HEG1: variants seen among roughly 807,000 people sequenced by gnomAD.
The protein encoded by HEG1 is heart development protein with EGF like domains 1, also known as protein HEG homolog 1.
HEG1 carries 56 observed loss-of-function variants against 125.6 expected under a neutral mutation model. The ratio of observed to expected loss-of-function variants is 0.45; its 90% confidence interval spans 0.36 to 0.56. HEG1 has a LOEUF of 0.56. HEG1 is among the 20% of genes least tolerant of loss of function. The pLI is 0.00. For missense variants in HEG1, 1,523 were observed against 1,670.0 expected, an observed-to-expected ratio of 0.91 and a Z score of 1.53; for synonymous variants, 644 against 668.5, an observed-to-expected ratio of 0.96 and a Z score of 0.57.
rs1164521290 is a variant in HEG1 at position 124,966,971 on chromosome 3, G to A, written c.*3681C>T. 6.6e-6 allele frequency: 1 copy of A among 152,200 alleles called. No individual in the cohort carries two copies. Among genetic ancestry groups the A allele is most frequent in the East Asian group, 1.9e-4 (1 of 5,192 alleles). 9.4% of individuals were successfully genotyped at this position (152,200 alleles called of 1,614,324 possible). On this transcript the variant is annotated 3_prime_UTR_variant, in exon 17 of 17. Transcript: ENST00000311127. ...TAGCCATCCAGCCTAGGAGTCCAAA[G>A]ATGCTGCCTTCTCCCTTGGGCCCAC...
Position 125,010,489 on chromosome 3 carries a change from C to A in HEG1, c.3023G>T (p.Gly1008Val), listed in dbSNP as rs1387044115. Residue 1008 changes from glycine to valine, a missense_variant, in exon 7 of 17, where the codon GGC becomes GTC. Physicochemically the swap from Gly to Val is moderately radical, Grantham distance 109. Transcript: ENST00000311127. ...GECVADNTSR[G>V]YHCRCPPSWQ... ...GGAAGGCGGGCACCTGCAGTGGTAG[C>A]CACGGCTGGTGTTGTCTGCGACGCA... The A allele has an allele frequency of 1.3e-6, 2 of 1,560,240 alleles. No homozygotes were observed. Among genetic ancestry groups the A allele is most frequent in the Middle Eastern group, 1.7e-4 (1 of 6,020 alleles).
Position 125,029,480 on chromosome 3 carries a change from A to C in HEG1, c.325T>G (p.Trp109Gly). The change falls in exon 2 of 17, where the codon TGG becomes GGG. Residue 109 changes from tryptophan (W) to glycine (G), a missense_variant. Coordinates refer to ENST00000311127, the MANE Select transcript of HEG1 (RefSeq NM_020733.2). ...APRGGSADAA[W>G]KHWPESNTEA... The stretch of plus-strand genomic sequence containing the variant: ...GTGTTACTTTCTGGCCAATGTTTCC[A>C]GGCAGCATCTGAAAGAAGAAGAGGA... 6.3e-7 allele frequency: 1 copy of C among 1,592,840 alleles called. No homozygotes were observed. Among genetic ancestry groups the C allele is most frequent in the Non-Finnish European group, 8.5e-7 (1 of 1,173,874 alleles).
At chr3:124,983,380 A>G (rs1261002714) in intron 14 of HEG1, among the ~76,000 whole-genome samples, 4 of 151,654 alleles carry the variant, frequency 2.6e-5, no homozygotes, top group African/African-American at 9.7e-5. Context: ...TCTGTCACCC[A>G]GGCTGCAGTG....
At chr3:125,051,566 A>C (rs1416750511) in intron 1 of HEG1, among the ~76,000 whole-genome samples, 4 of 152,208 alleles carry the variant, frequency 2.6e-5, no homozygotes, top group Non-Finnish European at 5.9e-5. Context: ...GCTTGTTTTG[A>C]GGATTAAATG....
At chr3:125,049,610 T>C (rs1366624559) in intron 1 of HEG1, among the ~76,000 whole-genome samples, 2 of 152,174 alleles carry the variant, frequency 1.3e-5, no homozygotes, top group Non-Finnish European at 2.9e-5. Context: ...AAAGAGCTCC[T>C]CTCCATTCTG....
intron 1 of HEG1, 128 bp from the exon 2 acceptor site, chr3:125,029,616 A>C: frequency 1.2e-6 from 1 of 856,978 alleles, no homozygotes. Context: ...TTGGCCAGGC[A>C]TGATGGCTCA....
intron 1 of HEG1, among the ~76,000 whole-genome samples, chr3:125,037,209 T>C (rs1937555481): frequency 6.6e-6 from 1 of 152,218 alleles, no homozygotes; most frequent in Non-Finnish European, 1.5e-5. Context: ...TATGATTCCA[T>C]GTTATTAAAA....
rs1447767309 is a variant in HEG1, at chr3:124,968,023, A to T, written c.*2629T>A. On this transcript the variant is annotated 3_prime_UTR_variant, in exon 17 of 17. Transcript: ENST00000311127. Reference sequence around the variant, plus strand: ...ATGGAGGTTTAAGCATCTCTTGAGCAGTTACACATCACTTGCCCCTTCCTC... The same window carrying T: ...ATGGAGGTTTAAGCATCTCTTGAGCTGTTACACATCACTTGCCCCTTCCTC... 1 of 152,406 alleles carries T rather than the reference A, an allele frequency of 6.6e-6. No homozygotes were observed. The highest frequency in any genetic ancestry group is 1.9e-4 in the East Asian group (1 of 5,194). The allele number at this position is 152,406 out of a possible 1,614,324, so 9.4% of individuals were successfully genotyped here.
In HEG1 at chr3:124,973,717, A is replaced by C. The variant is rs761987944; in HGVS notation, c.3996+14T>G. On this transcript the variant is annotated intron_variant, in intron 16 of 16. Transcript: ENST00000311127. ...CCGGGGGCCCTGGGGTCATCCTGAC[A>C]CAGGAATACACACCGAGTAGTACAC... 24 of 1,594,978 alleles carry C rather than the reference A, an allele frequency of 1.5e-5. No homozygotes were observed. The East Asian group carries it at 5.4e-4, about 36-fold the overall frequency.
intron 15 of HEG1, 50 bp downstream of exon 15, chr3:124,977,809 T>C (rs374367349): frequency 5.7e-6 from 7 of 1,223,612 alleles, no homozygotes; most frequent in African/African-American, 1.5e-5. Flanking sequence ...CTGACCCTTG[T>C]ATAGCACAGG....
chr3:125,016,413 A>T (rs1937247411), intron 5 of HEG1, among the ~76,000 whole-genome samples: 1 of 152,230 alleles, frequency 6.6e-6, no homozygotes, highest in South Asian at 2.1e-4. Context: ...CACTGAAATC[A>T]TATGTTCCTC....
In HEG1 at chr3:125,055,960, C is replaced by CAGCGGGA. The variant is rs1560039689; in HGVS notation, c.-71_-70insTCCCGCT. On this transcript the variant is annotated 5_prime_UTR_variant, in exon 1 of 17. Coordinates refer to ENST00000311127, the MANE Select transcript of HEG1 (RefSeq NM_020733.2). ...AGGGCAGCGGGCAGCGGGCAGCGGG[C>CAGCGGGA]GGCGGGGGCCGCGCGGGGCCGGGGA... 1 of 852,988 alleles carries CAGCGGGA rather than the reference C, an allele frequency of 1.2e-6. No homozygotes were observed. Among genetic ancestry groups the CAGCGGGA allele is most frequent in the South Asian group, 5.1e-5 (1 of 19,576 alleles). The allele number at this position is 852,988 out of a possible 1,614,324, so 52.8% of individuals were successfully genotyped here.
At chr3:125,027,176 G>T (rs758994710) in intron 3 of HEG1, 29 bp downstream of exon 3, 9 of 1,533,992 alleles carry the variant, frequency 5.9e-6, no homozygotes, top group African/African-American at 1.4e-5. Flanking sequence ...AGTGACTTCC[G>T]AGTGTTAAGC....
At chr3:124,975,542 A>G (rs1313986860) in intron 15 of HEG1, among the ~76,000 whole-genome samples, 1 of 152,234 alleles carries the variant, frequency 6.6e-6, no homozygotes, top group Non-Finnish European at 1.5e-5. Flanking sequence ...ACTGAGAAAC[A>G]GTTCACATAT....
chr3:124,997,041 C>G (rs915507342), intron 12 of HEG1, among the ~76,000 whole-genome samples: 1 of 152,192 alleles, frequency 6.6e-6, no homozygotes, highest in African/African-American at 2.4e-5. Context: ...TTTCTGCTCT[C>G]AAGCACTTCA....
chr3:125,026,706 A>G (rs1937420762), intron 3 of HEG1, among the ~76,000 whole-genome samples: 1 of 152,210 alleles, frequency 6.6e-6, no homozygotes, highest in Non-Finnish European at 1.5e-5. Context: ...TTGTTTGAGA[A>G]TAGACACCAA....
intron 15 of HEG1, among the ~76,000 whole-genome samples, chr3:124,975,980 T>C (rs925027049): frequency 6.6e-6 from 1 of 152,238 alleles, no homozygotes; most frequent in African/African-American, 2.4e-5. Context: ...GCTGTGAACA[T>C]TGACGTGAAG....
intron 15 of HEG1, among the ~76,000 whole-genome samples, chr3:124,977,654 A>G: frequency 6.6e-6 from 1 of 152,348 alleles, no homozygotes; most frequent in South Asian, 2.1e-4. Flanking sequence ...CTAATAAAGA[A>G]AATGAAGTTC....
chr3:124,984,004 TAG>T (rs1936696682), intron 14 of HEG1, among the ~76,000 whole-genome samples: 1 of 152,180 alleles, frequency 6.6e-6, no homozygotes, highest in African/African-American at 2.4e-5. Context: ...GTAATATTAA[TAG>T]ATTCTCCCTC....
Sources: allele counts gnomAD v4.1 joint callset (sites outside exome capture counted in the v4.1 genomes callset), GRCh38; gene constraint gnomAD v4.1.1; transcripts MANE v1.5; gene names NCBI Gene and HGNC (gene_info 2026-07-23, HGNC 2026-07-21).